C12orf57: variants seen among roughly 807,000 people sequenced by gnomAD.
C12orf57 encodes chromosome 12 open reading frame 57.
In C12orf57, 14 loss-of-function variants were observed where a neutral mutation model predicts 11.3. That is an observed-to-expected ratio of 1.24 (90% CI 0.82 to 1.94). C12orf57 has a LOEUF of 1.94. Among genes scored for constraint, C12orf57 ranks in the 30% most tolerant of loss-of-function variants. The pLI is 0.00. For synonymous variants in C12orf57, 100 were observed against 74.6 expected (o/e 1.34, Z -1.76); for missense variants, 229 against 172.4 (o/e 1.33, Z -1.84).
At chr12:6,943,992 G>C (rs750239864), upstream of C12orf57, 9 of 1,588,412 alleles carry the variant, frequency 5.7e-6, no homozygotes, top group Admixed American at 3.5e-5. Context: ...GGCCACGCCT[G>C]GGCGCTTCCG....
At chr12:6,944,727 G>T in intron 2 of C12orf57, 75 bp downstream of exon 2, 2 of 1,594,032 alleles carry the variant, frequency 1.3e-6, no homozygotes, top group Non-Finnish European at 1.7e-6. Flanking sequence ...CGGATCTGTG[G>T]GCCCATGAGC....
upstream of C12orf57, chr12:6,943,906 TTGTTTTCA>T (rs1445302197): frequency 1.4e-5 from 16 of 1,156,982 alleles, no homozygotes; most frequent in Non-Finnish European, 1.9e-5. Context: ...CAATGATAGA[TTGTTTTCA>T]CTGTGCAAAA....
At chr12:6,944,419 C>G in intron 1 of C12orf57, 57 bp from the exon 2 acceptor site, 1 of 1,583,598 alleles carries the variant, frequency 6.3e-7, no homozygotes. Context: ...GCTGGGCCCG[C>G]TGTCTGTTCT....
At chr12:6,943,920 C>CA (rs1414793639), upstream of C12orf57, 71 of 1,288,382 alleles carry the variant, frequency 5.5e-5, no homozygotes, top group South Asian at 7.1e-5. Context: ...TTTCACTGTG[C>CA]AAAAATTATG....
chr12:6,943,809 T>A (rs781863636), upstream of C12orf57: 36 of 859,522 alleles, frequency 4.2e-5, no homozygotes, highest in East Asian at 8.2e-4. Flanking sequence ...TCCAAACACA[T>A]ACGCAGCAGT....
Position 6,944,484 on chromosome 12 carries a change from G to A in C12orf57, c.61G>A (p.Ala21Thr), listed in dbSNP as rs142743155. The A allele has an allele frequency of 5.8e-5, 94 of 1,612,054 alleles. 1 individual carries two copies. The highest frequency in any genetic ancestry group is 7.2e-5 in the Non-Finnish European group (85 of 1,179,828). ...LSAEQAKVVL[A>T]EVIQAFSAPE... ...ATGCTTCTGGCGCGCAGTGGTCCTC[G>A]CGGAGGTGATCCAGGCGTTCTCCGC... Residue 21 changes from alanine to threonine, a missense_variant, in exon 2 of 3, where the codon GCG (alanine) becomes ACG (threonine). Physicochemically the swap from Ala to Thr is moderately conservative, Grantham distance 58. Transcript: ENST00000229281.
Position 6,944,083 on chromosome 12 carries a change from TCC to T in C12orf57, c.-38_-37del, listed in dbSNP as rs1945718339. ...GACGTGGCTCTTTATTCGTGAGTTT[TCC>T]ATTTACCTCCGCTGAACCTAGAGCT... On this transcript the variant is annotated 5_prime_UTR_variant, in exon 1 of 3. Transcript: ENST00000229281. 1 of 1,614,012 alleles carries T rather than the reference TCC, an allele frequency of 6.2e-7. No homozygotes were observed. Among genetic ancestry groups the T allele is most frequent in the African/African-American group, 1.3e-5 (1 of 74,942 alleles).
At chr12:6,944,000 C>A (rs1174379753), upstream of C12orf57, 18 of 1,586,338 alleles carry the variant, frequency 1.1e-5, no homozygotes, top group Admixed American at 1.1e-4. Flanking sequence ...CTGGGCGCTT[C>A]CGGCTGCGCC....
upstream of C12orf57, chr12:6,943,960 A>G (rs189017859): frequency 2.4e-5 from 36 of 1,527,766 alleles, no homozygotes; most frequent in South Asian, 3.6e-5. Context: ...ATGCAGTTGT[A>G]AGCTTGGGGT....
chr12:6,943,980 T>TGGGCCACGCCTGGGCGCTTC (rs1555145647), upstream of C12orf57: 6 of 1,575,786 alleles, frequency 3.8e-6, no homozygotes, highest in African/African-American at 6.8e-5. Flanking sequence ...TATGAAGGTT[T>TGGGCCACGCCTGGGCGCTTC]GGGCCACGCC....
chr12:6,945,269 A>G (rs1356748226), intron 2 of C12orf57, among the ~76,000 whole-genome samples: 5 of 152,220 alleles, frequency 3.3e-5, no homozygotes, highest in Non-Finnish European at 7.3e-5. Context: ...CGAGTAGCAG[A>G]GCTGGACTTA....
At chr12:6,945,636 C>T (rs1356167170) in intron 2 of C12orf57, 135 bp from the exon 3 acceptor site, 1 of 866,304 alleles carries the variant, frequency 1.2e-6, no homozygotes, top group South Asian at 1.4e-5. Context: ...GGGACAGAGG[C>T]CTGCATGCGT....
At position 6,944,190 on chromosome 12, in the gene C12orf57, T is replaced by G. The variant is rs781977651; in HGVS notation, c.52+17T>G. ...AAGCAAAGGGTGAGAATCGTCCTAG[T>G]CAAGGCATAGGCTGCTGGCCTGGGG... On this transcript the variant is annotated intron_variant, in intron 1 of 2. Transcript: ENST00000229281. 12 of 1,565,844 alleles carry G rather than the reference T, an allele frequency of 7.7e-6. No homozygotes were observed. The highest frequency in any genetic ancestry group is 1.7e-4 in the Middle Eastern group (1 of 6,004).
At chr12:6,943,879 CTTA>C, upstream of C12orf57, 2 of 1,006,156 alleles carry the variant, frequency 2.0e-6, no homozygotes, top group Non-Finnish European at 2.8e-6. Context: ...GAAAGCCCCT[CTTA>C]TGATGTTTGT....
At chr12:6,943,913 C>A (rs79312103), upstream of C12orf57, 62 of 1,225,614 alleles carry the variant, frequency 5.1e-5, no homozygotes, top group Non-Finnish European at 6.2e-5. Context: ...AGATTGTTTT[C>A]ACTGTGCAAA....
At chr12:6,943,810 A>T (rs146258471), upstream of C12orf57, 17 of 864,446 alleles carry the variant, frequency 2.0e-5, no homozygotes, top group Admixed American at 1.0e-4. Flanking sequence ...CCAAACACAT[A>T]CGCAGCAGTG....
chr12:6,944,091 C>T lies in C12orf57; in HGVS notation c.-31C>T, dbSNP rs374102557. On this transcript the variant is annotated 5_prime_UTR_variant, in exon 1 of 3. Transcript: ENST00000229281. ...TCTTTATTCGTGAGTTTTCCATTTACCTCCGCTGAACCTAGAGCTTCAGAC... is the reference window on the plus strand; with the variant it reads ...TCTTTATTCGTGAGTTTTCCATTTATCTCCGCTGAACCTAGAGCTTCAGAC... 185 of 1,613,138 alleles carry T rather than the reference C, an allele frequency of 1.1e-4. No homozygotes were observed. The highest frequency in any genetic ancestry group is 8.9e-4 in the African/African-American group (67 of 74,998).
At position 6,945,997 on chromosome 12, in the gene C12orf57, G is replaced by T; in HGVS notation, c.*75G>T. On this transcript the variant is annotated 3_prime_UTR_variant, in exon 3 of 3. Transcript: ENST00000229281. ...TCCAGACAATAATAAATGCGCCTGT[G>T]ACTTAGCCTTGGTGTCAGTCTCTTG... is the stretch of plus-strand genomic sequence containing the variant. 6.6e-7 allele frequency: 1 copy of T among 1,516,518 alleles called. No homozygotes were observed. The highest frequency in any genetic ancestry group is 8.9e-7 in the Non-Finnish European group (1 of 1,125,538). The allele number at this position is 1,516,518 out of a possible 1,614,324, so 93.9% of individuals were successfully genotyped here. A position where few individuals can be genotyped will look rare whatever the true frequency, so the allele number is the denominator to read the frequency against.
upstream of C12orf57, chr12:6,943,816 C>G (rs115670517): frequency 2.9e-5 from 24 of 833,472 alleles, no homozygotes; most frequent in Middle Eastern, 4.0e-4. Flanking sequence ...ACATACGCAG[C>G]AGTGTTACAG....
Sources: gnomAD v4.1 joint callset for allele counts (sites outside exome capture counted in the v4.1 genomes callset) on GRCh38, gnomAD v4.1.1 for gene constraint, MANE v1.5 for transcripts, NCBI Gene and HGNC (gene_info 2026-07-23, HGNC 2026-07-21) for gene names.